Variants in MORC3 observed in about 807,000 individuals in gnomAD.
The protein encoded by MORC3 is MORC family CW-type zinc finger 3, also known as MORC family CW-type zinc finger protein 3.
A neutral mutation model predicts 109.1 loss-of-function variants in MORC3; 31 were observed. The ratio of observed to expected loss-of-function variants is 0.28; its 90% confidence interval spans 0.21 to 0.38. MORC3 has a LOEUF of 0.38. Ranked by LOEUF, MORC3 falls within the 10% of genes least tolerant of loss-of-function variation. The pLI is 1.00. For synonymous variants in MORC3, 395 were observed against 380.7 expected (o/e 1.04, Z -0.44); for missense variants, 867 against 1,135.8 (o/e 0.76, Z 3.40).
Position 36,369,524 on chromosome 21 carries a change from T to A in MORC3, c.2156T>A (p.Met719Lys). The A allele has an allele frequency of 6.2e-7, 1 of 1,614,224 alleles. No individual in the cohort carries two copies. Among genetic ancestry groups the A allele is most frequent in the East Asian group, 2.2e-5 (1 of 44,890 alleles). ...EKENYKRQCH[M>K]FTDQIKVLQQ... ...GAGAATTATAAAAGACAGTGTCATA[T>A]GTTTACTGATCAAATCAAAGTGTTA... The change falls in exon 15 of 17, where the codon ATG becomes AAG. Residue 719 changes from methionine to lysine, a missense_variant. Physicochemically the swap from Met to Lys is moderately conservative, Grantham distance 95. This residue lies in a region of MORC3 where 486 missense variants were observed against 502.1 expected (regional missense o/e 0.97). Coordinates refer to ENST00000400485, the MANE Select transcript of MORC3 (RefSeq NM_015358.3).
intron 1 of MORC3, among the ~76,000 whole-genome samples, chr21:36,327,097 C>T (rs1016676804): frequency 2.7e-5 from 4 of 147,328 alleles, no homozygotes; most frequent in East Asian, 2.0e-4. Flanking sequence ...TTACAGCAGG[C>T]GTGAGCCAGC....
At chr21:36,353,311 T>C (rs1408470346) in intron 9 of MORC3, among the ~76,000 whole-genome samples, 1 of 135,936 alleles carries the variant, frequency 7.4e-6, no homozygotes, top group Non-Finnish European at 1.5e-5. Context: ...GAGCTGAGAT[T>C]GAGCCACTAC....
At chr21:36,373,780 G>A (rs925978085) in intron 16 of MORC3, among the ~76,000 whole-genome samples, 4 of 152,092 alleles carry the variant, frequency 2.6e-5, no homozygotes, top group African/African-American at 7.2e-5. Flanking sequence ...ATTTCCACTC[G>A]AGAAAAATCA....
chr21:36,371,710 T>C (rs1272405035), intron 15 of MORC3, among the ~76,000 whole-genome samples: 1 of 152,234 alleles, frequency 6.6e-6, no homozygotes, highest in Non-Finnish European at 1.5e-5. Context: ...AAACTCATTA[T>C]TGTAACTTAA....
intron 8 of MORC3, among the ~76,000 whole-genome samples, chr21:36,347,430 A>T (rs1385868159): frequency 5.9e-5 from 9 of 152,220 alleles, no homozygotes. Flanking sequence ...TTAAATTTGT[A>T]CTGTACATAT....
At chr21:36,353,977 A>C (rs531741885) in intron 9 of MORC3, among the ~76,000 whole-genome samples, 2 of 151,386 alleles carry the variant, frequency 1.3e-5, no homozygotes, top group Non-Finnish European at 2.9e-5. Flanking sequence ...AGACTGAGGC[A>C]GGAGAAACAC....
intron 14 of MORC3, among the ~76,000 whole-genome samples, chr21:36,365,335 A>G (rs187801126): frequency 2.0e-5 from 3 of 152,344 alleles, no homozygotes; most frequent in African/African-American, 7.2e-5. Flanking sequence ...AATGAAGACA[A>G]GTGAAGAAGA....
intron 8 of MORC3, among the ~76,000 whole-genome samples, chr21:36,348,788 T>C (rs2085540716): frequency 6.6e-6 from 1 of 152,228 alleles, no homozygotes; most frequent in South Asian, 2.1e-4. Context: ...CAAAGGGTTT[T>C]TGAGGAAGGC....
At chr21:36,330,783 G>A (rs1432786147) in intron 1 of MORC3, among the ~76,000 whole-genome samples, 2 of 152,244 alleles carry the variant, frequency 1.3e-5, no homozygotes, top group Admixed American at 6.5e-5. Context: ...AGGGGAGAAG[G>A]TGGGACAGGA....
intron 1 of MORC3, 116 bp downstream of exon 1, chr21:36,320,419 C>G: frequency 9.6e-7 from 1 of 1,038,332 alleles, no homozygotes; most frequent in Non-Finnish European, 1.2e-6. Context: ...GCGGGGGCTG[C>G]GGCGGGGCCC....
intron 16 of MORC3, among the ~76,000 whole-genome samples, chr21:36,373,170 T>C (rs555522774): frequency 4.6e-5 from 7 of 151,916 alleles, no homozygotes; most frequent in African/African-American, 1.7e-4. Flanking sequence ...TGAAACCCTG[T>C]CTCTACTAAA....
At chr21:36,363,171 G>C (rs1240876440) in intron 13 of MORC3, among the ~76,000 whole-genome samples, 2 of 152,146 alleles carry the variant, frequency 1.3e-5, no homozygotes, top group Non-Finnish European at 2.9e-5. Flanking sequence ...TGTGTTCCCA[G>C]AACTTTGGGA....
chr21:36,354,223 G>C (rs1344321768), intron 9 of MORC3, among the ~76,000 whole-genome samples: 2 of 151,996 alleles, frequency 1.3e-5, no homozygotes, highest in East Asian at 3.9e-4. Context: ...CATGGCACGA[G>C]AAGAGGTGGA....
Position 36,327,058 on chromosome 21 carries a change from G to A in MORC3, c.40-6588G>A, listed in dbSNP as rs1287860226. Among the ~76,000 whole-genome samples, 3 of 150,880 alleles carry A rather than the reference G, an allele frequency of 2.0e-5. No homozygotes were observed. In the South Asian group the frequency reaches 6.3e-4, roughly 32 times the overall value. ...TTGAACTCTTGACCTCAGGTGATCC[G>A]CCCACCTCAGCCTCCCAAAGTGCGG... On this transcript the variant is annotated intron_variant, in intron 1 of 16. Coordinates refer to ENST00000400485, the MANE Select transcript of MORC3 (RefSeq NM_015358.3).
chr21:36,356,530 T>C (rs1449171012), intron 9 of MORC3, 90 bp from the exon 10 acceptor site: 18 of 699,908 alleles, frequency 2.6e-5, no homozygotes, highest in Non-Finnish European at 3.6e-5. Context: ...GAGTTTTTTC[T>C]CTTCACAGTG....
Position 36,330,909 on chromosome 21 carries a change from C to T in MORC3, c.40-2737C>T, listed in dbSNP as rs188683868. Among the ~76,000 whole-genome samples, 7 of 152,320 alleles carry T rather than the reference C, an allele frequency of 4.6e-5. No individual in the cohort carries two copies. The East Asian group carries it at 1.4e-3, about 29-fold the overall frequency. The stretch of plus-strand genomic sequence containing the variant: ...TGTGCTTTAGAAAGTCTTGAGTTAC[C>T]TATACTCCATATTTCACGGATGTAT... On this transcript the variant is annotated intron_variant, in intron 1 of 16. Coordinates refer to ENST00000400485, the MANE Select transcript of MORC3 (RefSeq NM_015358.3).
chr21:36,360,661 C>G lies in MORC3; in HGVS notation c.1406+403C>G, dbSNP rs1300954900. 4 of 204,204 alleles carry G rather than the reference C, an allele frequency of 2.0e-5. No homozygotes were observed. The East Asian group carries it at 3.9e-4, about 20-fold the overall frequency. The allele number at this position is 204,204 out of a possible 1,614,324, so 12.6% of individuals were successfully genotyped here. On this transcript the variant is annotated intron_variant, in intron 12 of 16. Transcript: ENST00000400485. ...AAGGAAGCTCATAGGGAGAGTAGTT[C>G]TGTCTGGTGGGCAGGAGAGCAGAAA...
At chr21:36,370,752 C>T (rs900820712) in intron 15 of MORC3, among the ~76,000 whole-genome samples, 6 of 149,268 alleles carry the variant, frequency 4.0e-5, no homozygotes, top group African/African-American at 1.5e-4. Context: ...TCACTGCAAC[C>T]TCCACCTCCC....
At position 36,364,179 on chromosome 21, in the gene MORC3, T is replaced by A; in HGVS notation, c.1539T>A (p.Leu513=). 1.2e-6 allele frequency: 2 copies of A among 1,614,168 alleles called. No individual in the cohort carries two copies. The highest frequency in any genetic ancestry group is 1.7e-6 in the Non-Finnish European group (2 of 1,180,008). The change falls in exon 14 of 17, where the codon CTT becomes CTA. Residue 513 remains leucine, a synonymous_variant. Transcript: ENST00000400485. ...AGGAAAGTGTTCCAAGAAGACATCTTTCAGAAGGAACAAATTCTTATGCGA... is the reference window on the plus strand; with the variant it reads ...AGGAAAGTGTTCCAAGAAGACATCTATCAGAAGGAACAAATTCTTATGCGA... ...SPKESVPRRH[L]SEGTNSYATR...
Sources: allele counts gnomAD v4.1 joint callset (sites outside exome capture counted in the v4.1 genomes callset), GRCh38; gene constraint gnomAD v4.1.1; regional missense constraint gnomAD v4.1.1; transcripts MANE v1.5; gene names NCBI Gene and HGNC (gene_info 2026-07-23, HGNC 2026-07-21).